IARS1: variants seen among roughly 807,000 people sequenced by gnomAD.
The protein encoded by IARS1 is isoleucyl-tRNA synthetase 1, also known as isoleucine--tRNA ligase, cytoplasmic.
In IARS1, 124 loss-of-function variants were observed where a neutral mutation model predicts 168.2. The observed-to-expected ratio is 0.74, with a 90% confidence interval of 0.64 to 0.86. IARS1 has a LOEUF of 0.86. IARS1 is among the 40% of genes least tolerant of loss of function. The pLI, the probability that IARS1 is intolerant of heterozygous loss-of-function variation, is 0.00. For synonymous variants in IARS1, 532 were observed against 529.4 expected, an observed-to-expected ratio of 1.00 and a Z score of -0.07; for missense variants, 1,452 against 1,515.8, an observed-to-expected ratio of 0.96 and a Z score of 0.70.
chr9:92,288,059 TTA>T, intron 3 of IARS1, 65 bp downstream of exon 3: 2 of 1,543,022 alleles, frequency 1.3e-6, no homozygotes, highest in Non-Finnish European at 8.9e-7. Flanking sequence ...CTTGAACATA[TTA>T]TATGACAAAA....
rs776509463 is a variant in IARS1 at position 92,287,820 on chromosome 9, T to C, written c.367A>G (p.Ile123Val). 2.5e-6 allele frequency: 4 copies of C among 1,613,440 alleles called. No individual in the cohort carries two copies. In the South Asian group the frequency reaches 3.3e-5, roughly 13 times the overall value. The change falls in exon 4 of 34, where the codon ATT (isoleucine) becomes GTT (valine). Residue 123 changes from isoleucine (I) to valine (V), a missense_variant. Coordinates refer to ENST00000443024, the MANE Select transcript of IARS1 (RefSeq NM_002161.6). ...CACTCAGCAGAATATCTCATCACAATTGCTCGGCACTGATTGTTATACTCT... is the reference window on the plus strand; with the variant it reads ...CACTCAGCAGAATATCTCATCACAACTGCTCGGCACTGATTGTTATACTCT... Reference protein sequence around the residue: ...ITEYNNQCRAIVMRYSAEWKS... With the variant: ...ITEYNNQCRAVVMRYSAEWKS...
intron 33 of IARS1, among the ~76,000 whole-genome samples, chr9:92,217,137 C>T (rs2133350872): frequency 6.6e-6 from 1 of 151,652 alleles, no homozygotes; most frequent in African/African-American, 2.4e-5. Flanking sequence ...AACCGCTCAA[C>T]TACATGGAAA....
At chr9:92,248,411 A>T (rs1012955780) in intron 25 of IARS1, among the ~76,000 whole-genome samples, 5 of 152,098 alleles carry the variant, frequency 3.3e-5, no homozygotes, top group Non-Finnish European at 7.4e-5. Flanking sequence ...GGTGGCGCAA[A>T]CTTGTAATCT....
At chr9:92,213,857 G>T (rs766654141) in intron 33 of IARS1, among the ~76,000 whole-genome samples, 1 of 152,030 alleles carries the variant, frequency 6.6e-6, no homozygotes, top group Non-Finnish European at 1.5e-5. Flanking sequence ...TGTCGCCCAG[G>T]CTGGAGTGCA....
chr9:92,281,513 C>A (rs1185149850), intron 6 of IARS1, among the ~76,000 whole-genome samples: 1 of 151,916 alleles, frequency 6.6e-6, no homozygotes, highest in African/African-American at 2.4e-5. Context: ...TTTTGTAAGT[C>A]CATCAAGAGT....
chr9:92,282,150 C>T (rs1834682685), intron 6 of IARS1, among the ~76,000 whole-genome samples: 1 of 152,084 alleles, frequency 6.6e-6, no homozygotes, highest in African/African-American at 2.4e-5. Flanking sequence ...ATTCCTGCAA[C>T]TTACTCTCAA....
chr9:92,268,983 T>C (rs896978882), intron 13 of IARS1, among the ~76,000 whole-genome samples: 1 of 152,158 alleles, frequency 6.6e-6, no homozygotes, highest in African/African-American at 2.4e-5. Context: ...GACCTCCCCT[T>C]CTTCTCTTGG....
chr9:92,232,058 C>CA (rs1269307079), intron 30 of IARS1, among the ~76,000 whole-genome samples: 2 of 151,854 alleles, frequency 1.3e-5, no homozygotes, highest in Non-Finnish European at 2.9e-5. Flanking sequence ...TCGAGTGCAG[C>CA]AAAAAAACAA....
intron 31 of IARS1, among the ~76,000 whole-genome samples, chr9:92,227,263 C>G (rs1294945864): frequency 1.4e-5 from 2 of 146,454 alleles, no homozygotes; most frequent in African/African-American, 2.6e-5. Context: ...CCTTTCCCCC[C>G]TTTCTATTCC....
Position 92,265,429 on chromosome 9 carries a change from C to T in IARS1, c.1505+51G>A, listed in dbSNP as rs73653049. ...CTCTGTAATCTGCTAGAGACCAGGT[C>T]TTAATAGGAGAATCGTAAAACTGAA... On this transcript the variant is annotated intron_variant, in intron 15 of 33. Transcript: ENST00000443024. 2.0e-4 allele frequency: 307 copies of T among 1,501,352 alleles called. No individual in the cohort carries two copies. The African/African-American group carries it at 3.6e-3, about 17-fold the overall frequency. 93.0% of individuals were successfully genotyped at this position (1,501,352 alleles called of 1,614,324 possible).
intron 21 of IARS1, chr9:92,252,521 C>T (rs1235451853): frequency 2.3e-6 from 1 of 429,030 alleles, no homozygotes; most frequent in African/African-American, 2.0e-5. Context: ...AACACCACTG[C>T]TTTGAGAGGC....
In IARS1 at chr9:92,289,076, G is replaced by A. The variant is rs576177153; in HGVS notation, c.119+225C>T. 3.4e-4 allele frequency among the ~76,000 whole-genome samples: 51 copies of A among 151,762 alleles called. 1 individual carries two copies. Among genetic ancestry groups the A allele is most frequent in the South Asian group, 6.3e-4 (3 of 4,786 alleles). On this transcript the variant is annotated intron_variant, in intron 2 of 33. Transcript: ENST00000443024. ...CACAAGAATTAGCTGGTGTGATGGC[G>A]GGCACCTGTAATCCCAGCTACTCGG...
chr9:92,230,094 T>C (rs1343488814), intron 30 of IARS1, among the ~76,000 whole-genome samples: 1 of 152,136 alleles, frequency 6.6e-6, no homozygotes, highest in Non-Finnish European at 1.5e-5. Context: ...CTTTTTTTAT[T>C]TGGCAACAAT....
chr9:92,253,218 T>C (rs537465766), intron 21 of IARS1, 144 bp downstream of exon 21: 1 of 653,796 alleles, frequency 1.5e-6, no homozygotes, highest in Admixed American at 2.8e-5. Flanking sequence ...ATAGTTAAAA[T>C]GCAATGTAAA....
chr9:92,282,011 G>C (rs948010445), intron 6 of IARS1, among the ~76,000 whole-genome samples: 2 of 84,994 alleles, frequency 2.4e-5, no homozygotes, highest in Admixed American at 2.3e-4. Flanking sequence ...ACACTGCTGG[G>C]ACAAGCAGAA....
intron 30 of IARS1, among the ~76,000 whole-genome samples, chr9:92,234,021 A>C (rs1253893762): frequency 6.6e-6 from 1 of 152,202 alleles, no homozygotes; most frequent in Non-Finnish European, 1.5e-5. Context: ...TAAGCCTCCC[A>C]AAATGCTGGG....
At chr9:92,229,842 T>A (rs1826384019) in intron 30 of IARS1, among the ~76,000 whole-genome samples, 2 of 152,190 alleles carry the variant, frequency 1.3e-5, no homozygotes. Flanking sequence ...TGTGTACACG[T>A]GGGTATGTTT....
intron 27 of IARS1, 162 bp from the exon 28 acceptor site, chr9:92,243,473 A>C (rs745724755): frequency 1.8e-4 from 97 of 535,846 alleles, no homozygotes; most frequent in Non-Finnish European, 3.0e-4. Context: ...TCATTCAGGT[A>C]CTTCTTCATA....
intron 20 of IARS1, among the ~76,000 whole-genome samples, chr9:92,254,738 G>A (rs901083149): frequency 2.0e-5 from 3 of 152,092 alleles, no homozygotes; most frequent in Non-Finnish European, 4.4e-5. Context: ...AACACACAGG[G>A]GCAGCAGCAG....
Sources: gnomAD v4.1 joint callset for allele counts (sites outside exome capture counted in the v4.1 genomes callset) on GRCh38, gnomAD v4.1.1 for gene constraint, MANE v1.5 for transcripts, NCBI Gene and HGNC (gene_info 2026-07-23, HGNC 2026-07-21) for gene names.